The following NBPF11 variants were observed in gnomAD, a reference collection of about 807,000 sequenced individuals.
NBPF11 encodes NBPF member 11, also known as NBPF family member NBPF11.
A neutral mutation model predicts 93.9 loss-of-function variants in NBPF11; 72 were observed. The observed-to-expected ratio is 0.77, with a 90% confidence interval of 0.63 to 0.93. NBPF11 has a LOEUF of 0.93. NBPF11 is among the 40% of genes least tolerant of loss of function. The probability of loss-of-function intolerance (pLI) is 0.00; values close to 1 mark genes in which losing one functional copy is unlikely to be tolerated. For missense variants in NBPF11, 705 were observed against 802.2 expected (o/e 0.88, Z 1.46); for synonymous variants, 224 against 304.9 (o/e 0.73, Z 2.76).
In NBPF11 at chr1:148,103,847, T is replaced by G; in HGVS notation, c.*49A>C. On this transcript the variant is annotated 3_prime_UTR_variant, in exon 24 of 24. Transcript: ENST00000682118. ...TTCAAAGTACATTGATGGAGTCGAATAATATCTATCCAGTGAGTCCTGTAA... is the reference window on the plus strand; with the variant it reads ...TTCAAAGTACATTGATGGAGTCGAAGAATATCTATCCAGTGAGTCCTGTAA... The G allele has an allele frequency of 1.2e-6, 2 of 1,611,394 alleles. No homozygotes were observed. Among genetic ancestry groups the G allele is most frequent in the Non-Finnish European group, 1.7e-6 (2 of 1,179,396 alleles).
Position 148,149,095 on chromosome 1 carries a change from C to A in NBPF11, c.-549+2655G>T, listed in dbSNP as rs1164912360. Reference sequence around the variant, plus strand: ...TCGCATCCGGAGCTGGGCCCGGGGACGCCCGCTGGTGGGAAGGGTGCGCGC... The same window carrying A: ...TCGCATCCGGAGCTGGGCCCGGGGAAGCCCGCTGGTGGGAAGGGTGCGCGC... On this transcript the variant is annotated intron_variant, in intron 1 of 23. Transcript: ENST00000682118. 3,080 of 1,429,020 alleles carry A rather than the reference C, an allele frequency of 2.2e-3. 97 individuals are homozygous for A. The African/African-American group carries it at 0.041, about 19-fold the overall frequency. The allele number at this position is 1,429,020 out of a possible 1,614,324, so 88.5% of individuals were successfully genotyped here.
chr1:148,122,808 A>G lies in NBPF11; in HGVS notation c.494-7T>C. 5 of 1,609,794 alleles carry G rather than the reference A, an allele frequency of 3.1e-6. No individual in the cohort carries two copies. Among genetic ancestry groups the G allele is most frequent in the Non-Finnish European group, 4.2e-6 (5 of 1,177,882 alleles). On this transcript the variant is annotated splice_region_variant and splice_polypyrimidine_tract_variant and intron_variant, in intron 7 of 23. Coordinates refer to ENST00000682118, the MANE Select transcript of NBPF11 (RefSeq NM_001385469.3). ...TCCTCATCTTCGTCATTTTCTATAA[A>G]TACAAAATGTTCGTTCAGATATTTC...
intron 4 of NBPF11, among the ~76,000 whole-genome samples, chr1:148,131,212 C>A (rs1483688749): frequency 3.5e-5 from 5 of 141,940 alleles, no homozygotes; most frequent in African/African-American, 1.3e-4. Context: ...TGGAATGTAA[C>A]AAAAGCCCAC....
At chr1:148,143,079 T>G (rs1672456776) in intron 2 of NBPF11, among the ~76,000 whole-genome samples, 7 of 118,830 alleles carry the variant, frequency 5.9e-5, no homozygotes, top group African/African-American at 1.0e-4. Flanking sequence ...GACAGCAGGG[T>G]GGAAACAGAG....
intron 4 of NBPF11, among the ~76,000 whole-genome samples, chr1:148,132,083 G>C (rs1571474327): frequency 6.8e-6 from 1 of 146,360 alleles, no homozygotes; most frequent in Non-Finnish European, 1.5e-5. Context: ...CAAGTCTTTT[G>C]AGAAATTGTT....
rs1667577611 is a variant in NBPF11 at position 148,120,505 on chromosome 1, T to C, written c.984A>G (p.Lys328=). 1.1e-6 allele frequency: 1 copy of C among 911,406 alleles called. No homozygotes were observed. The highest frequency in any genetic ancestry group is 1.6e-5 in the African/African-American group (1 of 61,824). The allele number at this position is 911,406 out of a possible 1,614,324, so 56.5% of individuals were successfully genotyped here. A position where few individuals can be genotyped will look rare whatever the true frequency, so the allele number is the denominator to read the frequency against. ...TGGTGAGCATATAGATCTTACTGTATTTGTTCTGCTGCTTGGCCAGGAAGC... is the reference window on the plus strand; with the variant it reads ...TGGTGAGCATATAGATCTTACTGTACTTGTTCTGCTGCTTGGCCAGGAAGC... ...VACFLAKQQN[K]YKYEECKDLI... is the part of the protein sequence containing the mutation. The change falls in exon 10 of 24, where the codon AAA becomes AAG. Residue 328 remains lysine (K), a synonymous_variant. Coordinates refer to ENST00000682118, the MANE Select transcript of NBPF11 (RefSeq NM_001385469.3).
intron 5 of NBPF11, among the ~76,000 whole-genome samples, 198 bp from the exon 6 acceptor site, chr1:148,125,199 AAG>A (rs1480628914): frequency 3.9e-5 from 6 of 152,006 alleles, no homozygotes; most frequent in Non-Finnish European, 8.8e-5. Context: ...AAGACGAAGA[AAG>A]AGAAACTCAA....
intron 2 of NBPF11, among the ~76,000 whole-genome samples, chr1:148,142,679 G>A (rs1343486404): frequency 2.6e-5 from 4 of 151,978 alleles, no homozygotes; most frequent in African/African-American, 9.7e-5. Context: ...GGTGGGTTCC[G>A]TGGGGTAGTG....
chr1:148,144,492 G>A (rs1277057824), intron 1 of NBPF11, among the ~76,000 whole-genome samples: 11 of 151,636 alleles, frequency 7.3e-5, no homozygotes, highest in African/African-American at 1.2e-4. Flanking sequence ...CATGCCAGGC[G>A]AGGTCAAGTA....
Position 148,150,396 on chromosome 1 carries a change from G to A in NBPF11, c.-549+1354C>T, listed in dbSNP as rs1246644477. 2.0e-4 allele frequency among the ~76,000 whole-genome samples: 30 copies of A among 150,734 alleles called. 3 individuals are homozygous for A. The Middle Eastern group carries it at 0.014, about 68-fold the overall frequency. On this transcript the variant is annotated intron_variant, in intron 1 of 23. Transcript: ENST00000682118. ...TGGAATTACAGGTGTGATCTACCACGCCCAGATCACCTGCACGTTTAAAAT... is the reference window on the plus strand; with the variant it reads ...TGGAATTACAGGTGTGATCTACCACACCCAGATCACCTGCACGTTTAAAAT...
chr1:148,146,043 G>A (rs1672950688), intron 1 of NBPF11, among the ~76,000 whole-genome samples: 1 of 152,056 alleles, frequency 6.6e-6, no homozygotes, highest in African/African-American at 2.4e-5. Context: ...GCATATCAAT[G>A]AAAACTGGAT....
chr1:148,137,105 C>T (rs1671424429), intron 3 of NBPF11, among the ~76,000 whole-genome samples: 1 of 151,920 alleles, frequency 6.6e-6, no homozygotes, highest in Non-Finnish European at 1.5e-5. Context: ...GACACCATTC[C>T]TGTGACTACA....
intron 1 of NBPF11, among the ~76,000 whole-genome samples, chr1:148,151,502 G>T (rs1774476): frequency 1.3e-5 from 2 of 152,026 alleles, no homozygotes; most frequent in African/African-American, 2.4e-5. Context: ...GGATGCCACA[G>T]AACACCTGCC....
intron 2 of NBPF11, among the ~76,000 whole-genome samples, chr1:148,138,672 G>A (rs1671724462): frequency 1.3e-5 from 2 of 150,890 alleles, no homozygotes; most frequent in South Asian, 2.1e-4. Context: ...CACAGGGTTG[G>A]GGGTAGGGTT....
At chr1:148,150,002 TG>T (rs1647879152) in intron 1 of NBPF11, among the ~76,000 whole-genome samples, 1 of 151,758 alleles carries the variant, frequency 6.6e-6, no homozygotes, top group African/African-American at 2.4e-5. Context: ...TAAAACACTT[TG>T]GGAAAATGTT....
Position 148,105,421 on chromosome 1 carries a change from G to A in NBPF11, c.2411C>T (p.Pro804Leu). Residue 804 changes from proline to leucine, a missense_variant, in exon 22 of 24, where the codon CCT becomes CTT. Physicochemically the swap from Pro to Leu is moderately conservative, Grantham distance 98. This residue lies in a region of NBPF11 where 109 missense variants were observed against 83.3 expected (regional missense o/e 1.31). Transcript: ENST00000682118. ...VVLNSLTPAS[P>L]TEVPFMHWRK... Reference sequence around the variant, plus strand: ...CCAATGCATAAAAGGAACTTCCGTAGGGCTGGCAGGAGTCAGGCTGTTCAA... The same window carrying A: ...CCAATGCATAAAAGGAACTTCCGTAAGGCTGGCAGGAGTCAGGCTGTTCAA... 2 of 1,117,544 alleles carry A rather than the reference G, an allele frequency of 1.8e-6. No individual in the cohort carries two copies. The highest frequency in any genetic ancestry group is 1.2e-5 in the South Asian group (1 of 80,560). The allele number at this position is 1,117,544 out of a possible 1,614,324, so 69.2% of individuals were successfully genotyped here. A position where few individuals can be genotyped will look rare whatever the true frequency, so the allele number is the denominator to read the frequency against.
At chr1:148,110,299 G>C (rs1263397324) in intron 16 of NBPF11, 79 bp downstream of exon 16, 1 of 1,546,894 alleles carries the variant, frequency 6.5e-7, no homozygotes, top group East Asian at 2.3e-5. Flanking sequence ...AGCCCAACCA[G>C]GGGCACAAGG....
chr1:148,119,419 A>T (rs1667306240), intron 10 of NBPF11, among the ~76,000 whole-genome samples: 1 of 152,032 alleles, frequency 6.6e-6, no homozygotes, highest in Non-Finnish European at 1.5e-5. Flanking sequence ...CAATTTACAG[A>T]GGTAGGTATT....
chr1:148,121,548 G>T (rs1247477119), intron 9 of NBPF11, among the ~76,000 whole-genome samples: 1 of 151,414 alleles, frequency 6.6e-6, no homozygotes, highest in Non-Finnish European at 1.5e-5. Context: ...GTAAAGACGG[G>T]GTTTCACCGT....
Sources: gnomAD v4.1 joint callset for allele counts (sites outside exome capture counted in the v4.1 genomes callset) on GRCh38, gnomAD v4.1.1 for gene constraint, gnomAD v4.1.1 regional missense constraint, MANE v1.5 for transcripts, NCBI Gene and HGNC (gene_info 2026-07-23, HGNC 2026-07-21) for gene names.